The following NHSL1 variants were observed in gnomAD, a reference collection of about 807,000 sequenced individuals.
NHSL1 encodes the protein NHS-like protein 1.
Under a neutral mutation model 95.0 loss-of-function variants are expected in NHSL1, and 48 were observed. The observed-to-expected ratio is 0.51, with a 90% CI of 0.40 to 0.64. The LOEUF is 0.64. Ranked by LOEUF, NHSL1 falls within the 30% of genes least tolerant of loss-of-function variation. The pLI is 0.00. For missense variants in NHSL1, 1,971 were observed against 2,077.7 expected (o/e 0.95, Z 1.00); for synonymous variants, 783 against 833.9 (o/e 0.94, Z 1.05).
chr6:138,560,188 A>G (rs893085960), intron 1 of NHSL1, among the ~76,000 whole-genome samples: 9 of 152,378 alleles, frequency 5.9e-5, no homozygotes, highest in African/African-American at 2.2e-4. Flanking sequence ...CGAGATTTCT[A>G]AAGTCAGTGG....
intron 1 of NHSL1, among the ~76,000 whole-genome samples, chr6:138,674,726 G>T (rs1785425974): frequency 6.6e-6 from 1 of 152,106 alleles, no homozygotes; most frequent in African/African-American, 2.4e-5. Flanking sequence ...TCACTGATGG[G>T]CATTTGGGTT....
At position 138,643,825 on chromosome 6, in the gene NHSL1, C is replaced by T. The variant is rs568791001; in HGVS notation, c.96+48651G>A. On this transcript the variant is annotated intron_variant, in intron 1 of 3. Coordinates refer to the NHSL1 transcript ENST00000491526. ...ACCAGCCTAGCCAACATGGTGAAAC[C>T]CATCTCTACTAAAAAGACAAAAGTT... Among the ~76,000 whole-genome samples the T allele has an allele frequency of 4.3e-4, 66 of 151,916 alleles. No homozygotes were observed. The South Asian group carries it at 0.013, about 31-fold the overall frequency.
In NHSL1 at chr6:138,432,347, C is replaced by T. The variant is rs1430794267; in HGVS notation, c.1998G>A (p.Lys666=). The change falls in exon 6 of 8, where the codon AAG becomes AAA. Residue 666 remains lysine (K), a synonymous_variant. Transcript: ENST00000343505. The surrounding 1 kb of genome is among the most constrained non-coding windows in gnomAD (Gnocchi z 4.4). The stretch of plus-strand genomic sequence containing the variant: ...GTGGCAGGGGAGGCTTCTTTGCTTT[C>T]TTCAAAGAGATGTTTCTTGATAGGG... ...DKSLSRNISL[K]KAKKPPLPPS... 6.4e-7 allele frequency: 1 copy of T among 1,551,664 alleles called. No individual in the cohort carries two copies.
chr6:138,433,743 C>T (rs1398477808), intron 5 of NHSL1, 63 bp from the exon 6 acceptor site: 1 of 1,407,776 alleles, frequency 7.1e-7, no homozygotes, highest in Non-Finnish European at 9.3e-7. Context: ...ATCACGTGTA[C>T]CCTCACCCCT....
intron 1 of NHSL1, among the ~76,000 whole-genome samples, chr6:138,539,799 T>C (rs1782509359): frequency 1.3e-5 from 2 of 152,248 alleles, no homozygotes; most frequent in South Asian, 4.1e-4. Context: ...TCTCCTCGTT[T>C]TAGGCGGCAA....
intron 1 of NHSL1, among the ~76,000 whole-genome samples, chr6:138,560,243 T>G (rs930007831): frequency 2.0e-5 from 3 of 152,228 alleles, no homozygotes; most frequent in African/African-American, 4.8e-5. Flanking sequence ...ACAGATCAAC[T>G]GAATAAACCA....
intron 1 of NHSL1, among the ~76,000 whole-genome samples, chr6:138,565,319 C>T (rs772582127): frequency 2.6e-5 from 4 of 152,096 alleles, no homozygotes; most frequent in Non-Finnish European, 5.9e-5. Flanking sequence ...GTTGGCCAGG[C>T]TGGTCATGAA....
intron 2 of NHSL1, among the ~76,000 whole-genome samples, chr6:138,488,502 T>G (rs1779852661): frequency 6.6e-6 from 1 of 152,216 alleles, no homozygotes; most frequent in South Asian, 2.1e-4. Flanking sequence ...TAACCAATTA[T>G]AACCCTAAAA....
intron 1 of NHSL1, among the ~76,000 whole-genome samples, chr6:138,593,402 G>A (rs1329847889): frequency 6.6e-6 from 1 of 152,226 alleles, no homozygotes; most frequent in Non-Finnish European, 1.5e-5. Flanking sequence ...CAAATGCTGG[G>A]CTTTGGTAGC....
chr6:138,435,630 T>C (rs1234963710), intron 5 of NHSL1, among the ~76,000 whole-genome samples: 1 of 152,132 alleles, frequency 6.6e-6, no homozygotes, highest in Non-Finnish European at 1.5e-5. Context: ...AGTTTCAGAA[T>C]ATGATAGGAA....
chr6:138,547,370 A>G (rs1286264812), upstream of NHSL1, among the ~76,000 whole-genome samples: 2 of 150,292 alleles, frequency 1.3e-5, no homozygotes, highest in Non-Finnish European at 1.5e-5. Context: ...GAACAGTGAT[A>G]TTAACGCTTC....
At chr6:138,680,693 T>C (rs911303451) in intron 1 of NHSL1, among the ~76,000 whole-genome samples, 9 of 152,222 alleles carry the variant, frequency 5.9e-5, no homozygotes, top group Non-Finnish European at 1.3e-4. Flanking sequence ...CTTAGCTCAC[T>C]GCAACCTCTG....
At chr6:138,434,872 A>G (rs1467555457) in intron 5 of NHSL1, among the ~76,000 whole-genome samples, 1 of 152,228 alleles carries the variant, frequency 6.6e-6, no homozygotes, top group African/African-American at 2.4e-5. Context: ...AGAGGGTAGT[A>G]CTGAAATGGC....
At chr6:138,690,241 G>A (rs140564470) in intron 1 of NHSL1, among the ~76,000 whole-genome samples, 4 of 152,300 alleles carry the variant, frequency 2.6e-5, no homozygotes, top group Admixed American at 2.6e-4. Flanking sequence ...CAGAAACAAG[G>A]TTTGAGGCAT....
chr6:138,674,967 G>A (rs1785429904), intron 1 of NHSL1, among the ~76,000 whole-genome samples: 1 of 151,466 alleles, frequency 6.6e-6, no homozygotes, highest in Non-Finnish European at 1.5e-5. Flanking sequence ...AGGATGGCTT[G>A]AGCCCAGAAG....
At chr6:138,623,127 A>G (rs2114633746) in intron 1 of NHSL1, among the ~76,000 whole-genome samples, 1 of 152,370 alleles carries the variant, frequency 6.6e-6, no homozygotes, top group East Asian at 1.9e-4. Context: ...TTGCAAAATC[A>G]TTGCATTAAT....
chr6:138,544,592 C>A (rs1782710808), intron 1 of NHSL1, among the ~76,000 whole-genome samples: 1 of 152,146 alleles, frequency 6.6e-6, no homozygotes, highest in Admixed American at 6.5e-5. Context: ...CATGAACAGA[C>A]TTTGAGGACA....
In NHSL1 at chr6:138,423,809, A is replaced by T. The variant is rs1388453856; in HGVS notation, c.*272T>A. 1.3e-5 allele frequency: 4 copies of T among 314,460 alleles called. No homozygotes were observed. The Admixed American group carries it at 2.2e-4, about 18-fold the overall frequency. 19.5% of individuals were successfully genotyped at this position (314,460 alleles called of 1,614,324 possible). ...GAAAATGCACACATACACACCCAGC[A>T]TTTAGCAAAAAAAAAAAAAAAAAAA... On this transcript the variant is annotated 3_prime_UTR_variant, in exon 8 of 8. Transcript: ENST00000343505.
At chr6:138,592,425 C>A (rs1219394299) in intron 1 of NHSL1, among the ~76,000 whole-genome samples, 1 of 151,994 alleles carries the variant, frequency 6.6e-6, no homozygotes, top group Non-Finnish European at 1.5e-5. Flanking sequence ...ATGGGGAAAC[C>A]CCGTCTCTAC....
Sources: gnomAD v4.1 joint callset for allele counts (sites outside exome capture counted in the v4.1 genomes callset) on GRCh38, gnomAD v4.1.1 for gene constraint, Gnocchi (gnomAD v3.1) non-coding constraint, MANE v1.5 for transcripts, NCBI Gene and HGNC (gene_info 2026-07-23, HGNC 2026-07-21) for gene names.